The following NAALADL2 variants were observed in gnomAD, a reference collection of about 807,000 sequenced individuals.
The protein encoded by NAALADL2 is N-acetylated alpha-linked acidic dipeptidase like 2.
In NAALADL2, 76 loss-of-function variants were observed where a neutral mutation model predicts 87.2. The observed-to-expected ratio is 0.87, with a 90% confidence interval of 0.72 to 1.05. The LOEUF is 1.05. NAALADL2 is among the 50% of genes least tolerant of loss of function. NAALADL2 has a pLI of 0.00. For synonymous variants in NAALADL2, 354 were observed against 331.0 expected, an observed-to-expected ratio of 1.07 and a Z score of -0.75; for missense variants, 1,089 against 945.8, an observed-to-expected ratio of 1.15 and a Z score of -1.99.
At chr3:174,666,236 T>G (rs1725944281) in intron 2 of NAALADL2, among the ~76,000 whole-genome samples, 1 of 152,182 alleles carries the variant, frequency 6.6e-6, no homozygotes, top group Non-Finnish European at 1.5e-5. Flanking sequence ...TTTTGATAAT[T>G]AATATTCTCA....
chr3:174,453,939 T>C (rs1024246993), intron 1 of NAALADL2, among the ~76,000 whole-genome samples: 2 of 152,156 alleles, frequency 1.3e-5, no homozygotes, highest in Admixed American at 6.5e-5. Context: ...GTGAACTAAA[T>C]GCCTCAATTA....
At chr3:175,458,657 A>T (rs1722680542) in intron 6 of NAALADL2, among the ~76,000 whole-genome samples, 1 of 151,244 alleles carries the variant, frequency 6.6e-6, no homozygotes, top group South Asian at 2.1e-4. Context: ...CATGTTTGTA[A>T]ATCTTTTCTC....
chr3:175,219,088 A>T (rs1742963867), intron 2 of NAALADL2, among the ~76,000 whole-genome samples: 1 of 152,030 alleles, frequency 6.6e-6, no homozygotes, highest in Non-Finnish European at 1.5e-5. Context: ...GAGTAATGTT[A>T]TATATTATTC....
chr3:174,771,123 T>C (rs1470122947), intron 3 of NAALADL2, among the ~76,000 whole-genome samples: 1 of 152,216 alleles, frequency 6.6e-6, no homozygotes, highest in African/African-American at 2.4e-5. Context: ...TGATCATTCA[T>C]TCATTGTGCT....
chr3:175,403,991 A>G (rs1403602551), intron 5 of NAALADL2, among the ~76,000 whole-genome samples: 1 of 152,130 alleles, frequency 6.6e-6, no homozygotes, highest in Non-Finnish European at 1.5e-5. Flanking sequence ...TAGTTTTACA[A>G]AATACAGGCT....
chr3:175,372,628 C>T (rs1157632404), intron 5 of NAALADL2, among the ~76,000 whole-genome samples: 1 of 152,156 alleles, frequency 6.6e-6, no homozygotes, highest in Non-Finnish European at 1.5e-5. Flanking sequence ...TCTTAAAGTC[C>T]TGACCAACAT....
chr3:175,232,868 T>C (rs1745190389), intron 2 of NAALADL2, among the ~76,000 whole-genome samples: 1 of 150,604 alleles, frequency 6.6e-6, no homozygotes, highest in Admixed American at 6.7e-5. Context: ...TCTTTTTAGG[T>C]CCCTTTTTAT....
chr3:174,984,420 T>G (rs1489530258), intron 1 of NAALADL2, among the ~76,000 whole-genome samples: 1 of 141,994 alleles, frequency 7.0e-6, no homozygotes, highest in Non-Finnish European at 1.5e-5. Context: ...CTTGTTTAAT[T>G]TTTTTTTTTC....
intron 13 of NAALADL2, among the ~76,000 whole-genome samples, chr3:175,792,876 G>T (rs1357260218): frequency 6.6e-6 from 1 of 152,068 alleles, no homozygotes; most frequent in East Asian, 1.9e-4. Context: ...TGGGGTAAAA[G>T]AAGATGTGGC....
At chr3:175,523,146 A>G (rs1016604670) in intron 9 of NAALADL2, among the ~76,000 whole-genome samples, 1 of 152,164 alleles carries the variant, frequency 6.6e-6, no homozygotes, top group African/African-American at 2.4e-5. Flanking sequence ...TTCTCTAGAG[A>G]CATAGTTATC....
chr3:174,772,351 T>A (rs1474177060), intron 3 of NAALADL2, among the ~76,000 whole-genome samples: 1 of 152,152 alleles, frequency 6.6e-6, no homozygotes, highest in East Asian at 1.9e-4. Flanking sequence ...TGGTTTTATT[T>A]TTAAAAATTG....
At chr3:175,325,234 CAATT>C (rs1174138782) in intron 5 of NAALADL2, among the ~76,000 whole-genome samples, 1 of 152,088 alleles carries the variant, frequency 6.6e-6, no homozygotes, top group Admixed American at 6.5e-5. Context: ...TTAACTTTAC[CAATT>C]AATTAGCAAC....
intron 3 of NAALADL2, among the ~76,000 whole-genome samples, chr3:174,829,094 TTTTTTGTTG>T (rs953693429): frequency 1.4e-5 from 2 of 145,022 alleles, no homozygotes; most frequent in Non-Finnish European, 3.1e-5. Flanking sequence ...ACATCTGTTT[TTTTTTGTTG>T]TTGTTGTTGT....
chr3:174,787,600 T>TATATAC lies in NAALADL2; in HGVS notation c.-9+49859_-9+49860insCATATA, dbSNP rs1553855409. Among the ~76,000 whole-genome samples the TATATAC allele has an allele frequency of 1.2e-4, 8 of 68,474 alleles. 1 individual carries two copies. Among genetic ancestry groups the TATATAC allele is most frequent in the African/African-American group, 3.5e-4 (8 of 22,898 alleles). 44.9% of individuals were successfully genotyped at this position (68,474 alleles called of 152,430 possible). ...TCATATATATATATATATATATATA[T>TATATAC]ATATATATATATATATATATAGTAG... On this transcript the variant is annotated intron_variant, in intron 3 of 3. Coordinates refer to the NAALADL2 transcript ENST00000434257.
intron 1 of NAALADL2, among the ~76,000 whole-genome samples, chr3:175,079,669 A>G (rs914910644): frequency 4.6e-5 from 7 of 152,220 alleles, no homozygotes; most frequent in African/African-American, 1.4e-4. Flanking sequence ...GGAATAAGAT[A>G]TAGACTAGGG....
chr3:175,262,359 G>A (rs1184266613), intron 4 of NAALADL2, among the ~76,000 whole-genome samples: 1 of 151,932 alleles, frequency 6.6e-6, no homozygotes, highest in African/African-American at 2.4e-5. Flanking sequence ...GATAAATGCA[G>A]TCAAAAGAAT....
intron 11 of NAALADL2, among the ~76,000 whole-genome samples, chr3:175,696,539 T>C (rs6777028): frequency 0.26 from 39,298 of 151,786 alleles, 5,588 homozygotes; most frequent in African/African-American, 0.37. Context: ...TTTTTTTTCA[T>C]GGCCCTTTAT....
At chr3:175,043,833 C>T (rs976830923) in intron 1 of NAALADL2, among the ~76,000 whole-genome samples, 39 of 152,238 alleles carry the variant, frequency 2.6e-4, no homozygotes, top group African/African-American at 8.9e-4. Context: ...ATTTGTTCTA[C>T]TTGCTTAAGA....
At chr3:175,737,663 T>C (rs1007087512) in intron 12 of NAALADL2, among the ~76,000 whole-genome samples, 6 of 151,860 alleles carry the variant, frequency 4.0e-5, no homozygotes, top group African/African-American at 9.7e-5. Context: ...AATTCTAAGT[T>C]TCTGTTATTA....
Sources: gnomAD v4.1 joint callset for allele counts (sites outside exome capture counted in the v4.1 genomes callset) on GRCh38, gnomAD v4.1.1 for gene constraint, MANE v1.5 for transcripts, NCBI Gene and HGNC (gene_info 2026-07-23, HGNC 2026-07-21) for gene names.